CAMK4: variants seen among roughly 807,000 people sequenced by gnomAD.
The protein encoded by CAMK4 is calcium/calmodulin dependent protein kinase IV, also known as calcium/calmodulin-dependent protein kinase type IV.
CAMK4 carries 22 observed loss-of-function variants against 44.9 expected under a neutral mutation model. The ratio of observed to expected loss-of-function variants is 0.49; its 90% CI spans 0.35 to 0.70. CAMK4 has a LOEUF of 0.70. CAMK4 is among the 30% of genes least tolerant of loss of function. The pLI is 0.01. For missense variants in CAMK4, 498 were observed against 586.8 expected (o/e 0.85, Z 1.56); for synonymous variants, 218 against 215.4 (o/e 1.01, Z -0.11).
chr5:111,462,369 A>G (rs534713664), intron 7 of CAMK4, among the ~76,000 whole-genome samples: 3 of 152,096 alleles, frequency 2.0e-5, no homozygotes, highest in Non-Finnish European at 4.4e-5. Context: ...TACATCCCCC[A>G]CCCAGCTGTA....
In CAMK4 at chr5:111,485,281, A is replaced by G. The variant is rs1755575599; in HGVS notation, c.*815A>G. On this transcript the variant is annotated 3_prime_UTR_variant, in exon 11 of 11. Coordinates refer to ENST00000282356, the MANE Select transcript of CAMK4 (RefSeq NM_001744.6). ...AGAAGGTAAGACTGTACTTAAACTG[A>G]TGAAGATAAGATTGATTCCTTTTCA... 1 of 152,216 alleles carries G rather than the reference A, an allele frequency of 6.6e-6. No homozygotes were observed. Among genetic ancestry groups the G allele is most frequent in the African/African-American group, 2.4e-5 (1 of 41,444 alleles). The allele number at this position is 152,216 out of a possible 1,614,324, so 9.4% of individuals were successfully genotyped here.
intron 1 of CAMK4, among the ~76,000 whole-genome samples, chr5:111,300,802 T>G (rs1384757870): frequency 1.3e-5 from 2 of 152,280 alleles, no homozygotes; most frequent in Non-Finnish European, 2.9e-5. Context: ...TTAACATCAT[T>G]TTTAACATAA....
At chr5:111,341,994 A>G (rs926102989) in intron 1 of CAMK4, among the ~76,000 whole-genome samples, 1 of 151,492 alleles carries the variant, frequency 6.6e-6, no homozygotes, top group African/African-American at 2.4e-5. Flanking sequence ...ATTCATGTCT[A>G]TTCTTTCTTC....
chr5:111,308,855 A>G (rs1748062464), intron 1 of CAMK4, among the ~76,000 whole-genome samples: 1 of 152,242 alleles, frequency 6.6e-6, no homozygotes, highest in Non-Finnish European at 1.5e-5. Flanking sequence ...TTAAAATTAC[A>G]TGTATTTAAT....
chr5:111,386,696 C>A (rs530077839), intron 4 of CAMK4, among the ~76,000 whole-genome samples: 6 of 152,146 alleles, frequency 3.9e-5, no homozygotes, highest in Admixed American at 2.6e-4. Context: ...AAAAACACAC[C>A]AACTGAGGAG....
chr5:111,302,516 C>G (rs1366436248), intron 1 of CAMK4: 2 of 136,836 alleles, frequency 1.5e-5, no homozygotes, highest in African/African-American at 3.0e-5. Flanking sequence ...CACTCCCACC[C>G]GAATATTGCG....
intron 1 of CAMK4, among the ~76,000 whole-genome samples, chr5:111,283,325 G>T (rs922043677): frequency 6.6e-6 from 1 of 152,148 alleles, no homozygotes; most frequent in Non-Finnish European, 1.5e-5. Context: ...TGTGCATATA[G>T]AAAGGAAAAC....
intron 2 of CAMK4, among the ~76,000 whole-genome samples, chr5:111,354,024 G>A (rs387551): frequency 0.92 from 139,446 of 152,162 alleles, 64,004 homozygotes; most frequent in East Asian, 1. Flanking sequence ...TCATTATAGC[G>A]TTATTCACAA....
chr5:111,383,713 C>T (rs1338771403), intron 4 of CAMK4, among the ~76,000 whole-genome samples: 1 of 151,690 alleles, frequency 6.6e-6, no homozygotes, highest in Admixed American at 6.6e-5. Context: ...GATCCACCCA[C>T]CTCGGCCTCC....
rs578043065 is a variant in CAMK4 at position 111,358,814 on chromosome 5, G to A, written c.240+14712G>A. 2.0e-5 allele frequency among the ~76,000 whole-genome samples: 3 copies of A among 152,134 alleles called. No homozygotes were observed. The East Asian group carries it at 5.8e-4, about 30-fold the overall frequency. ...AGCTCCCACTTATAAGTGAGAACAT[G>A]CGGTATTTAGTTTTCTGTTACTGTG... On this transcript the variant is annotated intron_variant, in intron 2 of 10. Transcript: ENST00000282356.
chr5:111,264,017 G>T (rs1037731448), intron 1 of CAMK4, among the ~76,000 whole-genome samples: 1 of 152,150 alleles, frequency 6.6e-6, no homozygotes, highest in Non-Finnish European at 1.5e-5. Context: ...TTTTGAAACT[G>T]CCAAGCTTAC....
At chr5:111,443,995 G>A (rs1753942716) in intron 5 of CAMK4, among the ~76,000 whole-genome samples, 2 of 152,088 alleles carry the variant, frequency 1.3e-5, no homozygotes, top group South Asian at 2.1e-4. Flanking sequence ...ATTCGTGGTC[G>A]AGCATGCTCC....
chr5:111,355,448 C>T (rs1311260567), intron 2 of CAMK4, among the ~76,000 whole-genome samples: 3 of 151,438 alleles, frequency 2.0e-5, no homozygotes, highest in Non-Finnish European at 2.9e-5. Context: ...TCTTTATTGA[C>T]ATAAACATTG....
intron 5 of CAMK4, among the ~76,000 whole-genome samples, chr5:111,432,065 T>G (rs1421329161): frequency 6.6e-6 from 1 of 152,158 alleles, no homozygotes; most frequent in Non-Finnish European, 1.5e-5. Context: ...CATGTTTGTT[T>G]CAGCACTGTT....
intron 1 of CAMK4, among the ~76,000 whole-genome samples, chr5:111,258,740 C>CGTGAGTGT (rs1469929193): frequency 7.2e-6 from 1 of 139,236 alleles, no homozygotes; most frequent in Non-Finnish European, 1.6e-5. Context: ...GAGTTATCAG[C>CGTGAGTGT]GTGTGTGTGT....
chr5:111,397,497 T>C (rs1255571672), intron 5 of CAMK4, among the ~76,000 whole-genome samples: 4 of 152,160 alleles, frequency 2.6e-5, no homozygotes, highest in African/African-American at 9.7e-5. Flanking sequence ...TAGGTGCTGA[T>C]TGCACAGAAA....
chr5:111,320,943 C>T (rs1748637895), intron 1 of CAMK4, among the ~76,000 whole-genome samples: 1 of 152,142 alleles, frequency 6.6e-6, no homozygotes, highest in South Asian at 2.1e-4. Context: ...TTATAGTGAT[C>T]ATAGCATAAT....
At chr5:111,430,009 T>C (rs183854605) in intron 5 of CAMK4, among the ~76,000 whole-genome samples, 5 of 150,856 alleles carry the variant, frequency 3.3e-5, no homozygotes, top group African/African-American at 9.7e-5. Flanking sequence ...GACAATGATA[T>C]ATCAAAAAAG....
chr5:111,316,603 G>A (rs2112683153), intron 1 of CAMK4, among the ~76,000 whole-genome samples: 1 of 152,200 alleles, frequency 6.6e-6, no homozygotes. Context: ...CTCCTCTACA[G>A]GCGTAGAGAT....
Sources: gnomAD v4.1 joint callset for allele counts (sites outside exome capture counted in the v4.1 genomes callset) on GRCh38, gnomAD v4.1.1 for gene constraint, MANE v1.5 for transcripts, NCBI Gene and HGNC (gene_info 2026-07-23, HGNC 2026-07-21) for gene names.